Variants in UBE2E2 observed in about 807,000 individuals in gnomAD.
UBE2E2 encodes the protein ubiquitin conjugating enzyme E2 E2.
UBE2E2 carries 6 observed loss-of-function variants against 24.7 expected under a neutral mutation model. The ratio of observed to expected loss-of-function variants is 0.24; its 90% CI spans 0.13 to 0.48. The LOEUF (loss-of-function observed/expected upper bound fraction) is 0.48. UBE2E2 is among the 20% of genes least tolerant of loss of function. The probability of loss-of-function intolerance (pLI) is 0.99; values close to 1 mark genes in which losing one functional copy is unlikely to be tolerated. For synonymous variants in UBE2E2, 104 were observed against 83.6 expected (o/e 1.24, Z -1.33); for missense variants, 169 against 245.0 (o/e 0.69, Z 2.07).
intron 3 of UBE2E2, among the ~76,000 whole-genome samples, chr3:23,406,947 C>A (rs549877943): frequency 6.6e-6 from 1 of 152,214 alleles, no homozygotes; most frequent in African/African-American, 2.4e-5. Flanking sequence ...CAGTGTCCCC[C>A]ATGAGGAGGG....
chr3:23,496,280 C>T (rs1699600087), intron 3 of UBE2E2, among the ~76,000 whole-genome samples: 1 of 152,030 alleles, frequency 6.6e-6, no homozygotes, highest in Non-Finnish European at 1.5e-5. Context: ...TATGTAATAA[C>T]GTATCTAACA....
At chr3:23,530,586 C>G (rs1695100061) in intron 4 of UBE2E2, among the ~76,000 whole-genome samples, 1 of 152,094 alleles carries the variant, frequency 6.6e-6, no homozygotes, top group Non-Finnish European at 1.5e-5. Context: ...GTATATGTAT[C>G]TAGGATTTAG....
At chr3:23,443,638 GC>G (rs1353940665) in intron 3 of UBE2E2, among the ~76,000 whole-genome samples, 2 of 152,158 alleles carry the variant, frequency 1.3e-5, no homozygotes, top group Non-Finnish European at 2.9e-5. Flanking sequence ...GGCAAGAACT[GC>G]CCCCCGAGGC....
At chr3:23,251,762 A>T (rs889160370) in intron 3 of UBE2E2, among the ~76,000 whole-genome samples, 2 of 152,196 alleles carry the variant, frequency 1.3e-5, no homozygotes, top group Admixed American at 6.5e-5. Flanking sequence ...ATAAAATTAT[A>T]ATAATCTCTC....
intron 3 of UBE2E2, among the ~76,000 whole-genome samples, chr3:23,228,302 T>C (rs914591251): frequency 1.1e-4 from 16 of 152,192 alleles, no homozygotes; most frequent in Admixed American, 9.2e-4. Context: ...CTGAAAAATA[T>C]ATATTAAATG....
chr3:23,406,730 A>C (rs1284567600), intron 3 of UBE2E2, among the ~76,000 whole-genome samples: 2 of 152,226 alleles, frequency 1.3e-5, no homozygotes, highest in Admixed American at 6.5e-5. Context: ...ACTGTAAGGA[A>C]GATGGAATGA....
intron 3 of UBE2E2, among the ~76,000 whole-genome samples, chr3:23,472,115 A>G (rs1699043622): frequency 6.6e-6 from 1 of 152,230 alleles, no homozygotes; most frequent in Non-Finnish European, 1.5e-5. Context: ...GATATCCGAA[A>G]GGAAAGACAA....
At chr3:23,425,307 G>A (rs1697899902) in intron 3 of UBE2E2, among the ~76,000 whole-genome samples, 1 of 152,050 alleles carries the variant, frequency 6.6e-6, no homozygotes, top group Non-Finnish European at 1.5e-5. Context: ...CTAGATAGTT[G>A]GACAAATCAT....
intron 5 of UBE2E2, among the ~76,000 whole-genome samples, chr3:23,541,654 T>C (rs1695399030): frequency 6.6e-6 from 1 of 152,156 alleles, no homozygotes; most frequent in Non-Finnish European, 1.5e-5. Flanking sequence ...CACATGAAGC[T>C]TTTATAAAGT....
chr3:23,488,355 T>C (rs1315022279), intron 3 of UBE2E2, among the ~76,000 whole-genome samples: 2 of 152,158 alleles, frequency 1.3e-5, no homozygotes, highest in African/African-American at 4.8e-5. Context: ...ATTCCTCCGC[T>C]AAGCCCCCTA....
intron 3 of UBE2E2, among the ~76,000 whole-genome samples, chr3:23,272,129 G>A (rs1041782507): frequency 1.3e-5 from 2 of 152,168 alleles, no homozygotes; most frequent in Non-Finnish European, 2.9e-5. Flanking sequence ...ACCGCCAGGG[G>A]GCTCGGCCAT....
chr3:23,392,214 C>T (rs999698755), intron 3 of UBE2E2, among the ~76,000 whole-genome samples: 10 of 152,012 alleles, frequency 6.6e-5, no homozygotes, highest in African/African-American at 2.2e-4. Context: ...TATAGTATGG[C>T]CTAGCGAATA....
intron 3 of UBE2E2, among the ~76,000 whole-genome samples, chr3:23,486,626 T>TA (rs1412505721): frequency 6.6e-6 from 1 of 152,090 alleles, no homozygotes; most frequent in Non-Finnish European, 1.5e-5. Flanking sequence ...AGAATGAAGT[T>TA]ATGCAGACAA....
intron 5 of UBE2E2, among the ~76,000 whole-genome samples, chr3:23,551,570 G>A (rs1221953949): frequency 6.6e-6 from 1 of 152,228 alleles, no homozygotes; most frequent in East Asian, 1.9e-4. Context: ...ATGTGAGTGG[G>A]AAGTAAGAGA....
chr3:23,262,101 C>T (rs1056433025), intron 3 of UBE2E2, among the ~76,000 whole-genome samples: 11 of 152,164 alleles, frequency 7.2e-5, no homozygotes, highest in African/African-American at 2.7e-4. Context: ...TTGCACAGGG[C>T]ACCCTTTTCT....
At chr3:23,509,969 A>G (rs191691356) in intron 4 of UBE2E2, among the ~76,000 whole-genome samples, 20 of 151,958 alleles carry the variant, frequency 1.3e-4, no homozygotes, top group African/African-American at 3.1e-4. Flanking sequence ...TCTTAATCCA[A>G]TCTATCATTG....
chr3:23,475,660 AT>A (rs1699115402), intron 3 of UBE2E2, among the ~76,000 whole-genome samples: 1 of 152,064 alleles, frequency 6.6e-6, no homozygotes, highest in African/African-American at 2.4e-5. Flanking sequence ...GGAAATGGTA[AT>A]TTATTTGGGA....
At chr3:23,375,090 A>G (rs576330727) in intron 3 of UBE2E2, among the ~76,000 whole-genome samples, 1 of 152,144 alleles carries the variant, frequency 6.6e-6, no homozygotes, top group African/African-American at 2.4e-5. Flanking sequence ...TAAAAAAAAA[A>G]TCAGAGAATG....
At chr3:23,570,228 A>C (rs1281320027) in intron 5 of UBE2E2, among the ~76,000 whole-genome samples, 1 of 152,120 alleles carries the variant, frequency 6.6e-6, no homozygotes, top group Non-Finnish European at 1.5e-5. Flanking sequence ...CCCTTTACCT[A>C]ATTTCACATG....
Sources: gnomAD v4.1 joint callset for allele counts (sites outside exome capture counted in the v4.1 genomes callset) on GRCh38, gnomAD v4.1.1 for gene constraint, MANE v1.5 for transcripts, NCBI Gene and HGNC (gene_info 2026-07-23, HGNC 2026-07-21) for gene names.